CCSER1: variants seen among roughly 807,000 people sequenced by gnomAD.
CCSER1 encodes the protein serine-rich coiled-coil domain-containing protein 1.
CCSER1 carries 41 observed loss-of-function variants against 82.0 expected under a neutral mutation model. That is an observed-to-expected ratio of 0.50 (90% CI 0.39 to 0.65). The LOEUF (loss-of-function observed/expected upper bound fraction) is 0.65, where lower values mean the gene tolerates loss of function less well. Among genes scored for constraint, CCSER1 ranks in the 30% least tolerant of loss-of-function variants. The pLI is 0.00. For missense variants in CCSER1, 1,119 were observed against 1,064.2 expected, an observed-to-expected ratio of 1.05 and a Z score of -0.72; for synonymous variants, 414 against 383.9, an observed-to-expected ratio of 1.08 and a Z score of -0.92.
chr4:90,925,155 A>T (rs541376770), intron 9 of CCSER1, among the ~76,000 whole-genome samples: 28 of 152,176 alleles, frequency 1.8e-4, no homozygotes, highest in Non-Finnish European at 4.0e-4. Flanking sequence ...TGAGTAATAA[A>T]ATCATAATTT....
intron 1 of CCSER1, among the ~76,000 whole-genome samples, chr4:90,146,609 T>C (rs1343877047): frequency 2.0e-5 from 3 of 152,106 alleles, no homozygotes; most frequent in Non-Finnish European, 2.9e-5. Flanking sequence ...TTAATAATTT[T>C]ATTAACTCAA....
intron 10 of CCSER1, among the ~76,000 whole-genome samples, chr4:91,492,569 G>T (rs1652071503): frequency 1.3e-5 from 2 of 152,002 alleles, no homozygotes; most frequent in Admixed American, 1.3e-4. Flanking sequence ...TAAACTGTTG[G>T]CTCCATGTAG....
intron 5 of CCSER1, among the ~76,000 whole-genome samples, chr4:90,507,495 G>T (rs1304988730): frequency 6.6e-6 from 1 of 151,594 alleles, no homozygotes; most frequent in Non-Finnish European, 1.5e-5. Flanking sequence ...CATTCTTTCT[G>T]GACAAGAGAA....
At chr4:90,326,162 C>T (rs1018582970) in intron 3 of CCSER1, among the ~76,000 whole-genome samples, 3 of 150,836 alleles carry the variant, frequency 2.0e-5, no homozygotes, top group Non-Finnish European at 3.0e-5. Context: ...AGGTTCAGGC[C>T]ATTCTCCTGC....
rs1739107882 is a variant in CCSER1 at position 91,012,733 on chromosome 4, TG to T, written c.2173-73214del. Among the ~76,000 whole-genome samples the T allele has an allele frequency of 1.5e-5, 2 of 136,506 alleles. 1 individual carries two copies. The allele number at this position is 136,506 out of a possible 152,430, so 89.6% of individuals were successfully genotyped here. The stretch of plus-strand genomic sequence containing the variant: ...AAGATAATGTAGAATAGTAGCCACA[TG>T]GGCTACAGGGACCAGGGGGATGGTG... On this transcript the variant is annotated intron_variant, in intron 9 of 10. Transcript: ENST00000509176.
At chr4:90,641,992 T>A in intron 6 of CCSER1, 1 of 321,508 alleles carries the variant, frequency 3.1e-6, no homozygotes. Context: ...ACTCACATAC[T>A]TTTGTGTGAT....
At chr4:90,632,371 T>G (rs938591061) in intron 6 of CCSER1, among the ~76,000 whole-genome samples, 14 of 152,100 alleles carry the variant, frequency 9.2e-5, no homozygotes, top group African/African-American at 3.1e-4. Flanking sequence ...GTAATTCATT[T>G]GGCACTTAGT....
At chr4:91,168,901 C>T (rs1732458148) in intron 10 of CCSER1, among the ~76,000 whole-genome samples, 1 of 152,010 alleles carries the variant, frequency 6.6e-6, no homozygotes, top group African/African-American at 2.4e-5. Flanking sequence ...TAACCTTACC[C>T]CCAACCCCGT....
At chr4:90,132,848 A>G (rs977050694) in intron 1 of CCSER1, among the ~76,000 whole-genome samples, 1 of 152,214 alleles carries the variant, frequency 6.6e-6, no homozygotes, top group East Asian at 1.9e-4. Context: ...AAAAGTTTTG[A>G]ATTTTTAAAC....
At chr4:91,244,011 C>T (rs1739571203) in intron 10 of CCSER1, among the ~76,000 whole-genome samples, 1 of 152,186 alleles carries the variant, frequency 6.6e-6, no homozygotes, top group African/African-American at 2.4e-5. Context: ...TCCTGACCTT[C>T]CCTGGGCTAC....
intron 8 of CCSER1, among the ~76,000 whole-genome samples, chr4:90,839,261 A>C (rs1245872637): frequency 6.6e-6 from 1 of 152,230 alleles, no homozygotes; most frequent in Non-Finnish European, 1.5e-5. Context: ...TCATCTAATA[A>C]ATGTCTCAGT....
At chr4:90,853,083 A>T (rs1764070733) in intron 8 of CCSER1, among the ~76,000 whole-genome samples, 1 of 152,122 alleles carries the variant, frequency 6.6e-6, no homozygotes, top group Non-Finnish European at 1.5e-5. Flanking sequence ...TATCAAAACA[A>T]CAGCAAGAAC....
intron 3 of CCSER1, 136 bp downstream of exon 3, chr4:90,313,183 C>A: frequency 1.3e-6 from 1 of 740,780 alleles, no homozygotes; most frequent in Non-Finnish European, 2.2e-6. Flanking sequence ...CCATAGTTGA[C>A]ATTACAAGTC....
At chr4:90,588,664 T>C (rs1782306736) in intron 5 of CCSER1, among the ~76,000 whole-genome samples, 1 of 152,198 alleles carries the variant, frequency 6.6e-6, no homozygotes, top group Non-Finnish European at 1.5e-5. Flanking sequence ...TCCCATATGT[T>C]GTGGGAGGGA....
chr4:90,204,479 G>T (rs556721167), intron 1 of CCSER1, among the ~76,000 whole-genome samples: 4 of 152,206 alleles, frequency 2.6e-5, no homozygotes, highest in Middle Eastern at 6.8e-3. Context: ...TTTTTGTGAG[G>T]TTTGTCAAAG....
intron 5 of CCSER1, among the ~76,000 whole-genome samples, chr4:90,543,980 TATGAGGCA>T (rs1473949233): frequency 2.0e-5 from 3 of 152,116 alleles, no homozygotes; most frequent in Non-Finnish European, 4.4e-5. Context: ...GACAGAAAGA[TATGAGGCA>T]TCTGTGTCAG....
chr4:90,426,239 T>C (rs1359448939), intron 4 of CCSER1, among the ~76,000 whole-genome samples: 1 of 152,238 alleles, frequency 6.6e-6, no homozygotes, highest in African/African-American at 2.4e-5. Context: ...ATGATCTCTC[T>C]TCATTTACAG....
In CCSER1 at chr4:90,135,869, A is replaced by C. The variant is rs187202766; in HGVS notation, c.-42+8038A>C. Among the ~76,000 whole-genome samples the C allele has an allele frequency of 1.6e-3, 247 of 152,372 alleles. 2 individuals are homozygous for C. Among genetic ancestry groups the C allele is most frequent in the African/African-American group, 5.3e-3 (221 of 41,588 alleles). ...TATTATCTTAAAGTATAAATTACCAATAACTTATGGTGTTTACTGAACAGC... is the reference window on the plus strand; with the variant it reads ...TATTATCTTAAAGTATAAATTACCACTAACTTATGGTGTTTACTGAACAGC... On this transcript the variant is annotated intron_variant, in intron 1 of 10. Coordinates refer to ENST00000509176, the MANE Select transcript of CCSER1 (RefSeq NM_001145065.2).
At chr4:90,479,168 G>A (rs1357669366) in intron 5 of CCSER1, among the ~76,000 whole-genome samples, 1 of 151,276 alleles carries the variant, frequency 6.6e-6, no homozygotes, top group Non-Finnish European at 1.5e-5. Flanking sequence ...GTCATTATAA[G>A]CAAATAATGC....
Sources: gnomAD v4.1 joint callset for allele counts (sites outside exome capture counted in the v4.1 genomes callset) on GRCh38, gnomAD v4.1.1 for gene constraint, MANE v1.5 for transcripts, NCBI Gene and HGNC (gene_info 2026-07-23, HGNC 2026-07-21) for gene names.